POLD3: variants seen among roughly 807,000 people sequenced by gnomAD.
POLD3 encodes the protein DNA polymerase delta subunit 3.
In POLD3, 19 loss-of-function variants were observed where a neutral mutation model predicts 58.2. The observed-to-expected ratio is 0.33, with a 90% confidence interval of 0.23 to 0.48. The LOEUF is 0.48. POLD3 is among the 20% of genes least tolerant of loss of function. The pLI is 0.99. For missense variants in POLD3, 504 were observed against 545.5 expected, an observed-to-expected ratio of 0.92 and a Z score of 0.76; for synonymous variants, 172 against 193.5, an observed-to-expected ratio of 0.89 and a Z score of 0.92.
chr11:74,653,581 C>T (rs1448645695), intron 4 of POLD3, among the ~76,000 whole-genome samples: 1 of 151,844 alleles, frequency 6.6e-6, no homozygotes, highest in East Asian at 1.9e-4. Flanking sequence ...GCCAATAATG[C>T]AGATGAAATG....
At chr11:74,599,956 ATTT>A (rs11310017) in intron 2 of POLD3, among the ~76,000 whole-genome samples, 11 of 144,630 alleles carry the variant, frequency 7.6e-5, no homozygotes, top group African/African-American at 2.5e-4. Flanking sequence ...TATTATTATT[ATTT>A]TTTTTTTTTT....
intron 4 of POLD3, among the ~76,000 whole-genome samples, chr11:74,649,709 A>G (rs1245731524): frequency 6.6e-6 from 1 of 151,872 alleles, no homozygotes; most frequent in Non-Finnish European, 1.5e-5. Context: ...CAAAGCAGCA[A>G]GAGACAGTTG....
intron 4 of POLD3, among the ~76,000 whole-genome samples, chr11:74,611,961 G>C (rs6592575): frequency 0.86 from 130,509 of 152,224 alleles, 56,464 homozygotes; most frequent in African/African-American, 0.97. Flanking sequence ...TGCTACCGTT[G>C]GATTGTTTAA....
At chr11:74,630,530 T>C (rs1457282356) in intron 9 of POLD3, among the ~76,000 whole-genome samples, 2 of 152,212 alleles carry the variant, frequency 1.3e-5, no homozygotes, top group African/African-American at 4.8e-5. Context: ...CCGTGGGTTT[T>C]AGTGGCTCTT....
At chr11:74,602,527 G>C (rs11236168) in intron 2 of POLD3, among the ~76,000 whole-genome samples, 2 of 152,056 alleles carry the variant, frequency 1.3e-5, no homozygotes, top group Non-Finnish European at 2.9e-5. Context: ...AATATACCCA[G>C]AATTCATCCA....
chr11:74,650,017 T>C (rs1001988802), intron 4 of POLD3, among the ~76,000 whole-genome samples: 1 of 152,192 alleles, frequency 6.6e-6, no homozygotes, highest in African/African-American at 2.4e-5. Flanking sequence ...TCACCAAATT[T>C]CTCTGAGCCT....
At chr11:74,599,849 G>A (rs930934702) in intron 2 of POLD3, among the ~76,000 whole-genome samples, 1 of 152,138 alleles carries the variant, frequency 6.6e-6, no homozygotes, top group African/African-American at 2.4e-5. Context: ...AACATTATGG[G>A]TGGAACTGAT....
chr11:74,642,828 T>A lies in POLD3; in HGVS notation c.*2062T>A. On this transcript the variant is annotated 3_prime_UTR_variant, in exon 12 of 12. Coordinates refer to ENST00000263681, the MANE Select transcript of POLD3 (RefSeq NM_006591.3). ...GGGAAGAAGGCTGGTTTTCAGTTGA[T>A]ATTGTTAAAACTGCATACCCACAGT... 1 of 985,384 alleles carries A rather than the reference T, an allele frequency of 1.0e-6. No individual in the cohort carries two copies. The highest frequency in any genetic ancestry group is 1.2e-6 in the Non-Finnish European group (1 of 829,870). 61.0% of individuals were successfully genotyped at this position (985,384 alleles called of 1,614,324 possible).
chr11:74,604,370 T>A (rs1031873380), intron 2 of POLD3, among the ~76,000 whole-genome samples: 6 of 152,182 alleles, frequency 3.9e-5, no homozygotes, highest in South Asian at 2.1e-4. Context: ...CCAAACTACT[T>A]CTTGATTCAG....
chr11:74,618,773 A>C lies in POLD3; in HGVS notation c.629A>C (p.Glu210Ala), dbSNP rs1179929935. The change falls in exon 6 of 12, where the codon GAA becomes GCA. Residue 210 changes from glutamate (E) to alanine (A), a missense_variant. Coordinates refer to ENST00000263681, the MANE Select transcript of POLD3 (RefSeq NM_006591.3). Reference protein sequence around the residue: ...AAAKTQETNKETKTEAKEVTN... With the variant: ...AAAKTQETNKATKTEAKEVTN... ...GCTAAAACCCAAGAAACCAACAAGG[A>C]AACGAAAACAGAGGCTAAAGAAGTA... 2 of 1,613,538 alleles carry C rather than the reference A, an allele frequency of 1.2e-6. No individual in the cohort carries two copies. The highest frequency in any genetic ancestry group is 2.2e-5 in the East Asian group (1 of 44,890).
chr11:74,663,353 T>G (rs2033228087), intron 4 of POLD3, among the ~76,000 whole-genome samples: 1 of 152,216 alleles, frequency 6.6e-6, no homozygotes. Context: ...TCTAGTAGGC[T>G]TTTTTGTAGA....
chr11:74,596,671 A>G (rs916873806), intron 2 of POLD3, among the ~76,000 whole-genome samples: 2 of 149,250 alleles, frequency 1.3e-5, no homozygotes, highest in Admixed American at 1.3e-4. Context: ...TATCATCACT[A>G]ACTGTAGTCA....
intron 4 of POLD3, among the ~76,000 whole-genome samples, chr11:74,654,037 A>G (rs954114045): frequency 2.6e-5 from 4 of 152,138 alleles, no homozygotes; most frequent in African/African-American, 7.2e-5. Context: ...TTGCTCAACC[A>G]GATCTCATGA....
chr11:74,593,011 A>T (rs2031091614), intron 1 of POLD3: 1 of 1,305,210 alleles, frequency 7.7e-7, no homozygotes. Context: ...TGAGAGTTCT[A>T]AGGCGTCCCT....
At chr11:74,639,013 C>G (rs1591320285) in intron 11 of POLD3, among the ~76,000 whole-genome samples, 1 of 152,186 alleles carries the variant, frequency 6.6e-6, no homozygotes, top group East Asian at 1.9e-4. Flanking sequence ...GTTGATTATG[C>G]AGCCTTAATG....
At chr11:74,616,175 G>A (rs1199554356) in intron 5 of POLD3, among the ~76,000 whole-genome samples, 1 of 152,058 alleles carries the variant, frequency 6.6e-6, no homozygotes, top group African/African-American at 2.4e-5. Flanking sequence ...ATCTGCCAGG[G>A]CCCACTAAAA....
At chr11:74,665,647 A>G (rs11236202) in intron 4 of POLD3, among the ~76,000 whole-genome samples, 10,043 of 152,062 alleles carry the variant, frequency 0.066, 436 homozygotes, top group Middle Eastern at 0.15. Context: ...TGATCCGCCT[A>G]CCTTGGCCTC....
chr11:74,604,334 T>A (rs1268882396), intron 2 of POLD3, among the ~76,000 whole-genome samples: 1 of 152,212 alleles, frequency 6.6e-6, no homozygotes, highest in African/African-American at 2.4e-5. Flanking sequence ...ACAAATTAAT[T>A]AACTTATCCA....
chr11:74,632,875 A>ATTAC lies in POLD3; in HGVS notation c.1007-1708_1007-1707insTTAC, dbSNP rs1157307914. On this transcript the variant is annotated intron_variant, in intron 9 of 11. Coordinates refer to ENST00000263681, the MANE Select transcript of POLD3 (RefSeq NM_006591.3). ...GTGGTGGTTTTCCTTTATTTAAGTA[A>ATTAC]ATACACACACACACACACACACACA... Among the ~76,000 whole-genome samples the ATTAC allele has an allele frequency of 1.7e-3, 99 of 59,252 alleles. 1 individual carries two copies. The Middle Eastern group carries it at 0.029, about 18-fold the overall frequency. 38.9% of individuals were successfully genotyped at this position (59,252 alleles called of 152,430 possible). A position where few individuals can be genotyped will look rare whatever the true frequency, so the allele number is the denominator to read the frequency against.
Sources: allele counts gnomAD v4.1 joint callset (sites outside exome capture counted in the v4.1 genomes callset), GRCh38; gene constraint gnomAD v4.1.1; transcripts MANE v1.5; gene names NCBI Gene and HGNC (gene_info 2026-07-23, HGNC 2026-07-21).